MBIP: variants seen among roughly 807,000 people sequenced by gnomAD.
MBIP encodes the protein MAP3K12-binding inhibitory protein 1.
MBIP carries 32 observed loss-of-function variants against 45.7 expected under a neutral mutation model. The ratio of observed to expected loss-of-function variants is 0.70; its 90% CI spans 0.53 to 0.94. The LOEUF (loss-of-function observed/expected upper bound fraction) is 0.94, where lower values mean the gene tolerates loss of function less well. Among genes scored for constraint, MBIP ranks in the 40% least tolerant of loss-of-function variants. The pLI is 0.00. For missense variants in MBIP, 381 were observed against 405.5 expected (o/e 0.94, Z 0.52); for synonymous variants, 145 against 141.0 (o/e 1.03, Z -0.20).
intron 7 of MBIP, among the ~76,000 whole-genome samples, chr14:36,303,826 T>C (rs1879717752): frequency 6.6e-6 from 1 of 152,208 alleles, no homozygotes; most frequent in Non-Finnish European, 1.5e-5. Flanking sequence ...GTATCTAAAA[T>C]GTTTTTCTTC....
chr14:36,317,661 C>A (rs939588462), intron 1 of MBIP, among the ~76,000 whole-genome samples: 1 of 151,936 alleles, frequency 6.6e-6, no homozygotes, highest in African/African-American at 2.4e-5. Flanking sequence ...ACAATGAGAG[C>A]GCCCATCTGC....
At chr14:36,308,452 C>A (rs1880011213) in intron 6 of MBIP, among the ~76,000 whole-genome samples, 1 of 152,136 alleles carries the variant, frequency 6.6e-6, no homozygotes, top group African/African-American at 2.4e-5. Context: ...ATTCATTTTA[C>A]AAGATATTGA....
intron 4 of MBIP, chr14:36,314,058 C>G (rs1880379848): frequency 6.5e-6 from 1 of 153,242 alleles, no homozygotes; most frequent in African/African-American, 2.4e-5. Flanking sequence ...TATCGTGACA[C>G]AGGACATTTC....
chr14:36,304,312 T>C (rs1325410516), intron 7 of MBIP, among the ~76,000 whole-genome samples: 1 of 152,338 alleles, frequency 6.6e-6, no homozygotes, highest in Non-Finnish European at 1.5e-5. Context: ...GTCCTATCCA[T>C]TCATTTGCAC....
intron 6 of MBIP, 63 bp downstream of exon 6, chr14:36,311,510 A>T (rs1436863844): frequency 2.7e-6 from 4 of 1,494,300 alleles, no homozygotes; most frequent in Non-Finnish European, 3.6e-6. Flanking sequence ...TGACTAAATG[A>T]ACTGCAATTT....
rs1453818100 is a variant in MBIP at position 36,311,626 on chromosome 14, T to C, written c.737A>G (p.Gln246Arg). Residue 246 changes from glutamine to arginine, a missense_variant, in exon 6 of 9, where the codon CAG (glutamine) becomes CGG (arginine). Physicochemically the swap from Gln to Arg is conservative, Grantham distance 43. Transcript: ENST00000416007. ...ATTTTGTAGTCGTTCTTCTACAGCC[T>C]GATTACCACAGTCTCGAAGCATGCT... is the stretch of plus-strand genomic sequence containing the variant. ...PNSMLRDCGN[Q>R]AVEERLQNIE... The C allele has an allele frequency of 1.2e-6, 2 of 1,613,574 alleles. No individual in the cohort carries two copies. Among genetic ancestry groups the C allele is most frequent in the South Asian group, 2.2e-5 (2 of 91,040 alleles).
chr14:36,318,206 C>T (rs1010821362), intron 1 of MBIP, among the ~76,000 whole-genome samples: 1 of 151,934 alleles, frequency 6.6e-6, no homozygotes, highest in Non-Finnish European at 1.5e-5. Flanking sequence ...TTATAGAAAA[C>T]TTAAGAATAC....
chr14:36,320,319 G>A (rs1157956482), intron 1 of MBIP, 141 bp downstream of exon 1: 3 of 1,182,814 alleles, frequency 2.5e-6, no homozygotes, highest in Admixed American at 2.1e-5. Context: ...GGCTGGGCCC[G>A]GGCTCCTTCC....
At chr14:36,317,978 C>T (rs1157398973) in intron 1 of MBIP, among the ~76,000 whole-genome samples, 1 of 151,950 alleles carries the variant, frequency 6.6e-6, no homozygotes, top group Non-Finnish European at 1.5e-5. Flanking sequence ...AGAATGGAAG[C>T]ATTTAAAAGT....
At chr14:36,316,836 A>T in intron 1 of MBIP, 24 bp from the exon 2 acceptor site, 3 of 1,587,274 alleles carry the variant, frequency 1.9e-6, no homozygotes, top group Non-Finnish European at 2.6e-6. Flanking sequence ...AACCAGCAAC[A>T]TCACAAAAAT....
At chr14:36,316,573 T>C in intron 2 of MBIP, 120 bp downstream of exon 2, 1 of 906,180 alleles carries the variant, frequency 1.1e-6, no homozygotes, top group South Asian at 1.9e-5. Flanking sequence ...CGGATGTAAA[T>C]AACGTTTTAT....
chr14:36,316,955 T>G, intron 1 of MBIP, 143 bp from the exon 2 acceptor site: 3 of 728,664 alleles, frequency 4.1e-6, no homozygotes, highest in African/African-American at 1.8e-5. Context: ...TGAAATGCTC[T>G]ACCCAGTTAC....
intron 7 of MBIP, among the ~76,000 whole-genome samples, chr14:36,303,063 T>C (rs188942558): frequency 3.3e-5 from 5 of 152,332 alleles, no homozygotes; most frequent in Admixed American, 2.6e-4. Flanking sequence ...CAACTGTACA[T>C]GATAGGCCAG....
In MBIP at chr14:36,314,806, G is replaced by A. The variant is rs759852538; in HGVS notation, c.359C>T (p.Ser120Phe). The A allele has an allele frequency of 8.7e-6, 14 of 1,613,334 alleles. No homozygotes were observed. The highest frequency in any genetic ancestry group is 1.2e-5 in the Non-Finnish European group (14 of 1,179,648). ...TTCTTCCTCTTGTAGGTCGCCAATG[G>A]AAAATTTGTCATTTACTTCATTTTT... is the stretch of plus-strand genomic sequence containing the variant. The part of the protein sequence containing the change: ...GNKNEVNDKF[S>F]IGDLQEEEKH... Residue 120 changes from serine to phenylalanine, a missense_variant, in exon 3 of 9, where the codon TCC (serine) becomes TTC (phenylalanine). By Grantham distance (155) the Ser-to-Phe change is radical. Coordinates refer to ENST00000416007, the MANE Select transcript of MBIP (RefSeq NM_016586.3).
Position 36,299,102 on chromosome 14 carries a change from G to A in MBIP, c.1016C>T (p.Ala339Val). 6.2e-7 allele frequency: 1 copy of A among 1,613,642 alleles called. No homozygotes were observed. Among genetic ancestry groups the A allele is most frequent in the Non-Finnish European group, 8.5e-7 (1 of 1,179,650 alleles). Residue 339 changes from alanine to valine, a missense_variant, in exon 9 of 9, where the codon GCA becomes GTA. By Grantham distance (64) the Ala-to-Val change is moderately conservative. Transcript: ENST00000416007. The stretch of plus-strand genomic sequence containing the variant: ...AGTTTTTCATGGAAGGTGGTGGGTT[G>A]CCATGGATTCTGCTTCTCTTGATTT... ...LRKSREAESM[A>V]THHLP
In MBIP at chr14:36,299,198, C is replaced by T. The variant is rs1234478524; in HGVS notation, c.928-8G>A. On this transcript the variant is annotated splice_region_variant and splice_polypyrimidine_tract_variant and intron_variant, in intron 8 of 8. Transcript: ENST00000416007. ...AGCCAGTGAATAGTTCTGCTGTAAA[C>T]AATAACGACACAAATTGCTGAATAA... 6.3e-7 allele frequency: 1 copy of T among 1,582,036 alleles called. No individual in the cohort carries two copies. Among genetic ancestry groups the T allele is most frequent in the East Asian group, 2.2e-5 (1 of 44,642 alleles).
intron 6 of MBIP, 33 bp downstream of exon 6, chr14:36,311,540 T>C (rs774467058): frequency 1.3e-6 from 2 of 1,560,412 alleles, no homozygotes; most frequent in Admixed American, 3.8e-5. Context: ...TTGCAAAGGT[T>C]CATTATGAGG....
chr14:36,311,200 T>C (rs1447405941), intron 6 of MBIP, among the ~76,000 whole-genome samples: 1 of 152,146 alleles, frequency 6.6e-6, no homozygotes, highest in Admixed American at 6.6e-5. Context: ...GACACATGAT[T>C]GTAGTCCCAC....
intron 1 of MBIP, among the ~76,000 whole-genome samples, chr14:36,317,518 T>C (rs189847256): frequency 1.3e-5 from 2 of 152,224 alleles, no homozygotes; most frequent in East Asian, 1.9e-4. Flanking sequence ...TCCAGATCTT[T>C]TGTAAATGCT....
Sources: allele counts gnomAD v4.1 joint callset (sites outside exome capture counted in the v4.1 genomes callset), GRCh38; gene constraint gnomAD v4.1.1; transcripts MANE v1.5; gene names NCBI Gene and HGNC (gene_info 2026-07-23, HGNC 2026-07-21).